The following MALRD1 variants were observed in gnomAD, a reference collection of about 807,000 sequenced individuals.
MALRD1 encodes the protein MAM and LDL-receptor class A domain-containing protein 1.
A neutral mutation model predicts 242.1 loss-of-function variants in MALRD1; 247 were observed. That is an observed-to-expected ratio of 1.02 (90% confidence interval 0.92 to 1.13). The LOEUF (loss-of-function observed/expected upper bound fraction) is 1.13, where lower values mean the gene tolerates loss of function less well. Ranked by LOEUF, MALRD1 falls within the 50% of genes most tolerant of loss-of-function variation. The pLI, the probability that MALRD1 is intolerant of heterozygous loss-of-function variation, is 0.00. For missense variants in MALRD1, 2,989 were observed against 2,533.1 expected, an observed-to-expected ratio of 1.18 and a Z score of -3.86; for synonymous variants, 995 against 866.6, an observed-to-expected ratio of 1.15 and a Z score of -2.60.
chr10:19,269,113 T>A (rs1840087033), intron 19 of MALRD1, among the ~76,000 whole-genome samples: 2 of 152,212 alleles, frequency 1.3e-5, no homozygotes, highest in Admixed American at 6.5e-5. Context: ...TGCTACCAAC[T>A]TTAGCCTTAT....
intron 11 of MALRD1, among the ~76,000 whole-genome samples, chr10:19,150,664 A>G (rs537885709): frequency 1.1e-4 from 17 of 152,346 alleles, no homozygotes; most frequent in African/African-American, 3.1e-4. Flanking sequence ...CCTGTGATCT[A>G]TCACTATCTT....
At chr10:19,387,847 A>T in intron 27 of MALRD1, 74 bp downstream of exon 27, 1 of 1,484,082 alleles carries the variant, frequency 6.7e-7, no homozygotes, top group Non-Finnish European at 9.0e-7. Flanking sequence ...TTCTGATAGC[A>T]ACTGGGGAGC....
At chr10:19,630,549 T>C (rs1453685982) in intron 36 of MALRD1, among the ~76,000 whole-genome samples, 1 of 152,154 alleles carries the variant, frequency 6.6e-6, no homozygotes, top group African/African-American at 2.4e-5. Context: ...AGAGTGTGTT[T>C]AGTTTGAATA....
chr10:19,111,539 C>T (rs146408736), intron 5 of MALRD1, among the ~76,000 whole-genome samples: 156 of 152,282 alleles, frequency 1.0e-3, no homozygotes, highest in African/African-American at 3.1e-3. Context: ...TAGACCTACA[C>T]GTATGACAGA....
chr10:19,553,788 G>A (rs72780153), intron 32 of MALRD1, among the ~76,000 whole-genome samples: 9,257 of 152,236 alleles, frequency 0.061, 359 homozygotes, highest in South Asian at 0.11. Flanking sequence ...AGTGATACAC[G>A]TGAGATTCTA....
intron 24 of MALRD1, among the ~76,000 whole-genome samples, chr10:19,343,567 A>G (rs1843978363): frequency 6.6e-6 from 1 of 152,076 alleles, no homozygotes; most frequent in South Asian, 2.1e-4. Context: ...TCATGTTGAG[A>G]AAGTTATATA....
intron 38 of MALRD1, among the ~76,000 whole-genome samples, chr10:19,718,434 A>G (rs1834520933): frequency 1.3e-5 from 2 of 152,200 alleles, no homozygotes; most frequent in Admixed American, 6.5e-5. Context: ...AGAGCAAAAG[A>G]GACCGGAAGG....
rs988794768 is a variant in MALRD1 at position 19,119,247 on chromosome 10, T to A, written c.695-4245T>A. The stretch of plus-strand genomic sequence containing the variant: ...AAAGGCTGTGGGAAGAGAAAGTTTA[T>A]GTTGAGAAAAATCAGAGGTTTATTG... On this transcript the variant is annotated intron_variant, in intron 5 of 39. Transcript: ENST00000454679. Among the ~76,000 whole-genome samples, 4 of 152,260 alleles carry A rather than the reference T, an allele frequency of 2.6e-5. No homozygotes were observed. In the East Asian group the frequency reaches 5.8e-4, roughly 22 times the overall value.
At chr10:19,646,592 G>A (rs1329012379) in intron 36 of MALRD1, among the ~76,000 whole-genome samples, 3 of 150,788 alleles carry the variant, frequency 2.0e-5, no homozygotes, top group Admixed American at 6.6e-5. Context: ...GTGACAGAGC[G>A]AGACTGTGTC....
intron 2 of MALRD1, among the ~76,000 whole-genome samples, chr10:19,068,710 T>C (rs910475170): frequency 1.3e-5 from 2 of 152,130 alleles, no homozygotes; most frequent in Non-Finnish European, 2.9e-5. Context: ...TTGGAACATA[T>C]TTATAGAAAA....
At chr10:19,217,773 G>T (rs956865806) in intron 18 of MALRD1, among the ~76,000 whole-genome samples, 1 of 151,936 alleles carries the variant, frequency 6.6e-6, no homozygotes, top group Non-Finnish European at 1.5e-5. Context: ...ATCTGCCCAC[G>T]TTGGCCTCCC....
intron 34 of MALRD1, among the ~76,000 whole-genome samples, chr10:19,601,737 A>T (rs892616286): frequency 6.6e-6 from 1 of 152,096 alleles, no homozygotes; most frequent in Admixed American, 6.6e-5. Context: ...AAAATAAGTT[A>T]CCAGTCACAG....
intron 12 of MALRD1, among the ~76,000 whole-genome samples, chr10:19,163,866 T>C (rs1319282433): frequency 6.6e-6 from 1 of 152,216 alleles, no homozygotes; most frequent in Admixed American, 6.5e-5. Flanking sequence ...ATGGATCCCA[T>C]TGGCATTTAT....
intron 19 of MALRD1, among the ~76,000 whole-genome samples, chr10:19,272,188 C>G (rs1840280936): frequency 6.6e-6 from 1 of 151,812 alleles, no homozygotes; most frequent in Non-Finnish European, 1.5e-5. Flanking sequence ...ATAGAAACAT[C>G]TCGAATATTA....
At chr10:19,623,129 G>C (rs1839478608) in intron 36 of MALRD1, among the ~76,000 whole-genome samples, 1 of 151,906 alleles carries the variant, frequency 6.6e-6, no homozygotes, top group Non-Finnish European at 1.5e-5. Context: ...AATTGCATTT[G>C]AAGACAGATA....
At chr10:19,065,387 A>G (rs1834947163) in intron 1 of MALRD1, among the ~76,000 whole-genome samples, 1 of 151,844 alleles carries the variant, frequency 6.6e-6, no homozygotes, top group Admixed American at 6.6e-5. Context: ...CTTTTGGGTC[A>G]TTGCTATGGC....
At chr10:19,615,374 C>G (rs1839096741) in intron 35 of MALRD1, among the ~76,000 whole-genome samples, 1 of 150,524 alleles carries the variant, frequency 6.6e-6, no homozygotes, top group Non-Finnish European at 1.5e-5. Context: ...AAAAATTAGG[C>G]AAGTGTAGTA....
intron 36 of MALRD1, among the ~76,000 whole-genome samples, chr10:19,661,318 A>G (rs1009046447): frequency 5.3e-5 from 8 of 152,224 alleles, no homozygotes; most frequent in Non-Finnish European, 8.8e-5. Flanking sequence ...TCATACTGCT[A>G]TAAAGACACA....
chr10:19,729,798 G>A (rs540222641), intron 38 of MALRD1, among the ~76,000 whole-genome samples: 8 of 131,122 alleles, frequency 6.1e-5, no homozygotes, highest in Non-Finnish European at 6.3e-5. Flanking sequence ...GTGCAGTGGC[G>A]CGATCTCGGC....
Sources: gnomAD v4.1 joint callset for allele counts (sites outside exome capture counted in the v4.1 genomes callset) on GRCh38, gnomAD v4.1.1 for gene constraint, MANE v1.5 for transcripts, NCBI Gene and HGNC (gene_info 2026-07-23, HGNC 2026-07-21) for gene names.